ZDHHC14: variants seen among roughly 807,000 people sequenced by gnomAD.
ZDHHC14 encodes the protein zDHHC palmitoyltransferase 14, also known as palmitoyltransferase ZDHHC14.
In ZDHHC14, 16 loss-of-function variants were observed where a neutral mutation model predicts 47.7. That is an observed-to-expected ratio of 0.34 (90% CI 0.23 to 0.51). ZDHHC14 has a LOEUF of 0.51. Among genes scored for constraint, ZDHHC14 ranks in the 20% least tolerant of loss-of-function variants. The pLI, the probability that ZDHHC14 is intolerant of heterozygous loss-of-function variation, is 0.97. For synonymous variants in ZDHHC14, 293 were observed against 278.9 expected (o/e 1.05, Z -0.50); for missense variants, 515 against 662.5 (o/e 0.78, Z 2.44).
At chr6:157,568,656 G>C (rs572163476) in intron 2 of ZDHHC14, among the ~76,000 whole-genome samples, 98 of 152,238 alleles carry the variant, frequency 6.4e-4, no homozygotes, top group African/African-American at 2.0e-3. Context: ...AAATGCTGTT[G>C]CTGGGCCAAA....
chr6:157,573,373 C>T (rs1406277345), intron 2 of ZDHHC14, among the ~76,000 whole-genome samples: 6 of 152,216 alleles, frequency 3.9e-5, no homozygotes, highest in Non-Finnish European at 2.9e-5. Context: ...GCAGGCCTTT[C>T]ATGTCCTGCT....
intron 1 of ZDHHC14, among the ~76,000 whole-genome samples, chr6:157,513,614 C>A (rs375901734): frequency 6.6e-6 from 1 of 152,156 alleles, no homozygotes; most frequent in Non-Finnish European, 1.5e-5. Context: ...TCACTAAATA[C>A]CATATGTACA....
At chr6:157,589,555 A>T (rs1265867736) in intron 2 of ZDHHC14, among the ~76,000 whole-genome samples, 1 of 152,050 alleles carries the variant, frequency 6.6e-6, no homozygotes, top group Non-Finnish European at 1.5e-5. Context: ...AGTTCTCATG[A>T]GATATTTGCT....
At chr6:157,392,645 A>ATG (rs372653506) in intron 1 of ZDHHC14, among the ~76,000 whole-genome samples, 89,659 of 147,162 alleles carry the variant, frequency 0.61, 29,806 homozygotes, top group Middle Eastern at 0.78. Flanking sequence ...TAAGAGAAAG[A>ATG]TGTGTGTGTG....
At chr6:157,621,504 G>A (rs1785185515) in intron 3 of ZDHHC14, among the ~76,000 whole-genome samples, 1 of 152,054 alleles carries the variant, frequency 6.6e-6, no homozygotes, top group African/African-American at 2.4e-5. Flanking sequence ...GGGGAACGAG[G>A]CTGGGATTCT....
At chr6:157,603,143 G>A (rs1225549187) in intron 3 of ZDHHC14, among the ~76,000 whole-genome samples, 2 of 152,218 alleles carry the variant, frequency 1.3e-5, no homozygotes, top group Admixed American at 6.5e-5. Flanking sequence ...GACATGGAGA[G>A]TCAGGTGAGG....
At chr6:157,494,507 C>T (rs1381960026) in intron 1 of ZDHHC14, among the ~76,000 whole-genome samples, 1 of 152,160 alleles carries the variant, frequency 6.6e-6, no homozygotes, top group African/African-American at 2.4e-5. Flanking sequence ...AAAGGGCAGC[C>T]AGGAAACAAC....
intron 1 of ZDHHC14, among the ~76,000 whole-genome samples, chr6:157,425,522 A>G (rs1583633830): frequency 6.6e-6 from 1 of 152,250 alleles, no homozygotes; most frequent in African/African-American, 2.4e-5. Context: ...TTGCTTTTCA[A>G]TAGTGAAATG....
chr6:157,439,651 A>G (rs1778523362), intron 1 of ZDHHC14, among the ~76,000 whole-genome samples: 1 of 152,226 alleles, frequency 6.6e-6, no homozygotes, highest in Admixed American at 6.5e-5. Flanking sequence ...CAGCAATCTC[A>G]TTACTGGGTA....
chr6:157,670,772 C>G (rs1391433058), intron 8 of ZDHHC14, among the ~76,000 whole-genome samples: 4 of 152,184 alleles, frequency 2.6e-5, no homozygotes, highest in Non-Finnish European at 5.9e-5. Context: ...ACTTGCTTGC[C>G]CTCTTCATAG....
intron 5 of ZDHHC14, among the ~76,000 whole-genome samples, chr6:157,643,580 G>A (rs3861974): frequency 0.21 from 30,389 of 144,768 alleles, 4,113 homozygotes; most frequent in East Asian, 0.56. Context: ...CCTGGGAGGC[G>A]GAGGTTGCAG....
chr6:157,517,872 A>T (rs1480361407), intron 1 of ZDHHC14, among the ~76,000 whole-genome samples: 1 of 152,192 alleles, frequency 6.6e-6, no homozygotes, highest in African/African-American at 2.4e-5. Flanking sequence ...GAGGGTTTTT[A>T]AAAGTGTCGC....
intron 2 of ZDHHC14, among the ~76,000 whole-genome samples, chr6:157,562,510 G>T (rs1002421238): frequency 6.6e-6 from 1 of 152,170 alleles, no homozygotes; most frequent in East Asian, 1.9e-4. Flanking sequence ...AGGCAGATTT[G>T]GGGTGGGGGC....
intron 1 of ZDHHC14, among the ~76,000 whole-genome samples, chr6:157,517,151 C>A (rs982377399): frequency 6.6e-6 from 1 of 152,066 alleles, no homozygotes; most frequent in Non-Finnish European, 1.5e-5. Context: ...ATCTTTGTTG[C>A]GTTGAATACC....
At chr6:157,472,213 C>T (rs550297120) in intron 1 of ZDHHC14, among the ~76,000 whole-genome samples, 38 of 152,204 alleles carry the variant, frequency 2.5e-4, no homozygotes, top group African/African-American at 8.7e-4. Flanking sequence ...ACTGTGGCTG[C>T]GGGATCCAGC....
chr6:157,479,137 T>C (rs35783938), intron 1 of ZDHHC14, among the ~76,000 whole-genome samples: 36,255 of 152,172 alleles, frequency 0.24, 4,707 homozygotes, highest in East Asian at 0.43. Context: ...TTCCTGGATT[T>C]AGGTCCCACC....
At chr6:157,593,962 A>C (rs564849580) in intron 3 of ZDHHC14, among the ~76,000 whole-genome samples, 2 of 152,186 alleles carry the variant, frequency 1.3e-5, no homozygotes, top group Non-Finnish European at 2.9e-5. Context: ...CCCAGTGGGG[A>C]AGACTCATGG....
intron 2 of ZDHHC14, among the ~76,000 whole-genome samples, chr6:157,546,725 G>T (rs934797351): frequency 1.3e-5 from 2 of 152,128 alleles, no homozygotes; most frequent in Non-Finnish European, 2.9e-5. Flanking sequence ...CTGATTTGGG[G>T]TTAGAAAAAA....
chr6:157,641,830 T>C (rs1158448171), intron 5 of ZDHHC14, among the ~76,000 whole-genome samples: 3 of 152,176 alleles, frequency 2.0e-5, no homozygotes, highest in African/African-American at 7.2e-5. Flanking sequence ...AATTTATCTA[T>C]CAGATAATTT....
Sources: gnomAD v4.1 joint callset for allele counts (sites outside exome capture counted in the v4.1 genomes callset) on GRCh38, gnomAD v4.1.1 for gene constraint, MANE v1.5 for transcripts, NCBI Gene and HGNC (gene_info 2026-07-23, HGNC 2026-07-21) for gene names.